The following ELOVL6 variants were observed in gnomAD, a reference collection of about 807,000 sequenced individuals.
The protein encoded by ELOVL6 is very long chain fatty acid elongase 6.
In ELOVL6, 8 loss-of-function variants were observed where a neutral mutation model predicts 31.7. That is an observed-to-expected ratio of 0.25 (90% CI 0.15 to 0.45). The LOEUF (loss-of-function observed/expected upper bound fraction) is 0.45. Ranked by LOEUF, ELOVL6 falls within the 20% of genes least tolerant of loss-of-function variation. ELOVL6 has a pLI of 1.00. For synonymous variants in ELOVL6, 101 were observed against 117.7 expected, an observed-to-expected ratio of 0.86 and a Z score of 0.92; for missense variants, 126 against 326.4, an observed-to-expected ratio of 0.39 and a Z score of 4.73.
Position 110,047,671 on chromosome 4 carries a change from CCT to C in ELOVL6, c.*3665_*3666del, listed in dbSNP as rs1407990721. On this transcript the variant is annotated 3_prime_UTR_variant, in exon 4 of 4. Coordinates refer to ENST00000302274, the MANE Select transcript of ELOVL6 (RefSeq NM_024090.3). Reference sequence around the variant, plus strand: ...TTGGGAGACCAAGGCGGGTGGATCCCCTGAGGTCAGGAGCTCGAGACCAGCCT... The same window carrying C: ...TTGGGAGACCAAGGCGGGTGGATCCCGAGGTCAGGAGCTCGAGACCAGCCT... 1 of 152,192 alleles carries C rather than the reference CCT, an allele frequency of 6.6e-6. No homozygotes were observed. Among genetic ancestry groups the C allele is most frequent in the African/African-American group, 2.4e-5 (1 of 41,440 alleles). The allele number at this position is 152,192 out of a possible 1,614,324, so 9.4% of individuals were successfully genotyped here.
chr4:110,181,282 A>G (rs967074248), intron 1 of ELOVL6, among the ~76,000 whole-genome samples: 3 of 152,060 alleles, frequency 2.0e-5, no homozygotes, highest in Non-Finnish European at 4.4e-5. Flanking sequence ...CCCTATGTCT[A>G]CTAAAAATAC....
rs544234717 is a variant in ELOVL6 at position 110,090,600 on chromosome 4, C to CTTT, written c.221+14894_221+14896dup. On this transcript the variant is annotated intron_variant, in intron 2 of 3. Transcript: ENST00000302274. ...GGAACTTACAGGAAAGTTTGACTTT[C>CTTT]TTTTTTTTTTTTTTTTTTTTCATGA... Among the ~76,000 whole-genome samples, 11 of 103,720 alleles carry CTTT rather than the reference C, an allele frequency of 1.1e-4. 2 individuals are homozygous for CTTT. Among genetic ancestry groups the CTTT allele is most frequent in the Admixed American group, 4.3e-4 (4 of 9,298 alleles). The allele number at this position is 103,720 out of a possible 152,430, so 68.0% of individuals were successfully genotyped here.
chr4:110,182,773 T>TG (rs1303985481), intron 1 of ELOVL6, among the ~76,000 whole-genome samples: 2 of 152,238 alleles, frequency 1.3e-5, no homozygotes, highest in African/African-American at 4.8e-5. Flanking sequence ...CCAGGCGTGG[T>TG]GGCCCATGCT....
chr4:110,115,867 C>A (rs1757155437), intron 1 of ELOVL6, among the ~76,000 whole-genome samples: 3 of 152,178 alleles, frequency 2.0e-5, no homozygotes, highest in Admixed American at 6.5e-5. Context: ...TCTGAAGGCT[C>A]TATGGCAGAA....
rs568313263 is a variant in ELOVL6, at chr4:110,093,260, A to G, written c.221+12237T>C. 1,122 of 286,906 alleles carry G rather than the reference A, an allele frequency of 3.9e-3. 3 individuals are homozygous for G. Among genetic ancestry groups the G allele is most frequent in the Non-Finnish European group, 5.7e-3 (825 of 144,154 alleles). The allele number at this position is 286,906 out of a possible 1,614,324, so 17.8% of individuals were successfully genotyped here. On this transcript the variant is annotated intron_variant, in intron 2 of 3. Transcript: ENST00000302274. ...TAACATTAAATTATGAGGCACCAAAATATTAACAGTAAATATCTGTGAGAA... is the reference window on the plus strand; with the variant it reads ...TAACATTAAATTATGAGGCACCAAAGTATTAACAGTAAATATCTGTGAGAA...
intron 2 of ELOVL6, among the ~76,000 whole-genome samples, chr4:110,084,417 G>GATACATCAC (rs1756132526): frequency 2.0e-4 from 2 of 10,132 alleles, no homozygotes; most frequent in Non-Finnish European, 4.3e-4. Flanking sequence ...TGACATACAT[G>GATACATCAC]ATATATCACA....
intron 1 of ELOVL6, among the ~76,000 whole-genome samples, chr4:110,170,888 C>T (rs898321471): frequency 9.2e-5 from 14 of 152,132 alleles, no homozygotes; most frequent in Non-Finnish European, 1.9e-4. Flanking sequence ...GCACTTTAGG[C>T]CCAGAAAAAG....
intron 1 of ELOVL6, among the ~76,000 whole-genome samples, chr4:110,112,720 A>G (rs1212841450): frequency 6.6e-6 from 1 of 151,910 alleles, no homozygotes; most frequent in East Asian, 1.9e-4. Context: ...TAAAAAAACA[A>G]AAACTTAGCT....
At chr4:110,179,877 A>G (rs1759220597) in intron 1 of ELOVL6, among the ~76,000 whole-genome samples, 1 of 152,242 alleles carries the variant, frequency 6.6e-6, no homozygotes, top group Non-Finnish European at 1.5e-5. Flanking sequence ...AACCATTAGC[A>G]CCTAATTTTA....
At position 110,198,593 on chromosome 4, in the gene ELOVL6, A is replaced by C; in HGVS notation, c.-258T>G. The stretch of plus-strand genomic sequence containing the variant: ...GGCGTCCGCATCCACCGTAGGAGGA[A>C]ATGAATGCCTTGCGGTCTTAGTGCC... On this transcript the variant is annotated 5_prime_UTR_variant, in exon 1 of 4. The change creates a new upstream start codon in the 5' untranslated region. Transcript: ENST00000302274. The C allele has an allele frequency of 2.3e-6, 1 of 437,126 alleles. No homozygotes were observed. Among genetic ancestry groups the C allele is most frequent in the African/African-American group, 2.0e-5 (1 of 49,104 alleles). The allele number at this position is 437,126 out of a possible 1,614,324, so 27.1% of individuals were successfully genotyped here.
chr4:110,102,905 C>T (rs1034060002), intron 2 of ELOVL6, among the ~76,000 whole-genome samples: 5 of 108,786 alleles, frequency 4.6e-5, no homozygotes, highest in South Asian at 6.9e-4. Context: ...AGAATTCCCA[C>T]GTGTTGTGGG....
chr4:110,177,296 G>A (rs1220730098), intron 1 of ELOVL6, among the ~76,000 whole-genome samples: 1 of 152,108 alleles, frequency 6.6e-6, no homozygotes, highest in Non-Finnish European at 1.5e-5. Flanking sequence ...GAATTTGTCA[G>A]GTGTGGTGGC....
chr4:110,148,789 A>G (rs1203962561), intron 1 of ELOVL6, among the ~76,000 whole-genome samples: 1 of 152,166 alleles, frequency 6.6e-6, no homozygotes, highest in African/African-American at 2.4e-5. Flanking sequence ...ATTTAAAATA[A>G]TTTTTTTAAA....
intron 2 of ELOVL6, among the ~76,000 whole-genome samples, chr4:110,097,420 C>T (rs1017226356): frequency 6.6e-6 from 1 of 151,784 alleles, no homozygotes; most frequent in South Asian, 2.1e-4. Flanking sequence ...GGAAAGAAGC[C>T]AACTCCGGCA....
chr4:110,138,105 G>C (rs1244180118), intron 1 of ELOVL6, among the ~76,000 whole-genome samples: 1 of 152,186 alleles, frequency 6.6e-6, no homozygotes, highest in Non-Finnish European at 1.5e-5. Context: ...TTTCTAAAGA[G>C]CAGTGACCTA....
intron 1 of ELOVL6, among the ~76,000 whole-genome samples, chr4:110,141,874 T>TATATATATATATATATAC (rs926529050): frequency 2.1e-5 from 3 of 143,222 alleles, no homozygotes; most frequent in African/African-American, 5.2e-5. Flanking sequence ...TATATATATA[T>TATATATATATATATATAC]ACTAATACAA....
intron 2 of ELOVL6, among the ~76,000 whole-genome samples, chr4:110,082,354 A>T (rs1418765991): frequency 6.6e-6 from 1 of 151,970 alleles, no homozygotes; most frequent in Non-Finnish European, 1.5e-5. Context: ...CAAATGTCCA[A>T]CAATGATAGA....
chr4:110,126,660 T>C (rs2126255784), intron 1 of ELOVL6, among the ~76,000 whole-genome samples: 1 of 152,302 alleles, frequency 6.6e-6, no homozygotes, highest in East Asian at 1.9e-4. Flanking sequence ...CTCAAAATGG[T>C]TCACTGACCA....
At chr4:110,191,071 G>A (rs1344691176) in intron 1 of ELOVL6, among the ~76,000 whole-genome samples, 2 of 151,792 alleles carry the variant, frequency 1.3e-5, no homozygotes, top group African/African-American at 2.4e-5. Context: ...CGCCTGCCTC[G>A]GCCTCCCAAA....
Sources: allele counts gnomAD v4.1 joint callset (sites outside exome capture counted in the v4.1 genomes callset), GRCh38; gene constraint gnomAD v4.1.1; transcripts MANE v1.5; gene names NCBI Gene and HGNC (gene_info 2026-07-23, HGNC 2026-07-21).